Variants in PCDH15 observed in about 807,000 individuals in gnomAD.
PCDH15 encodes protocadherin-15.
A neutral mutation model predicts 178.5 loss-of-function variants in PCDH15; 129 were observed. That is an observed-to-expected ratio of 0.72 (90% confidence interval 0.63 to 0.84). The LOEUF (loss-of-function observed/expected upper bound fraction) is 0.84. Ranked by LOEUF, PCDH15 falls within the 40% of genes least tolerant of loss-of-function variation. The pLI, the probability that PCDH15 is intolerant of heterozygous loss-of-function variation, is 0.00. For synonymous variants in PCDH15, 800 were observed against 732.0 expected, an observed-to-expected ratio of 1.09 and a Z score of -1.50; for missense variants, 2,230 against 2,099.9, an observed-to-expected ratio of 1.06 and a Z score of -1.21.
chr10:55,396,226 T>A (rs1837925700), intron 2 of PCDH15, among the ~76,000 whole-genome samples: 2 of 152,184 alleles, frequency 1.3e-5, no homozygotes, highest in Admixed American at 1.3e-4. Flanking sequence ...TATCATTTAT[T>A]CCAGCACTTT....
At chr10:55,061,121 C>CA (rs531797407) in intron 2 of PCDH15, among the ~76,000 whole-genome samples, 10 of 151,650 alleles carry the variant, frequency 6.6e-5, no homozygotes, top group South Asian at 2.1e-4. Context: ...AAGACAATGG[C>CA]AAAAAAATGA....
chr10:54,047,037 T>C (rs2093670386), intron 18 of PCDH15, among the ~76,000 whole-genome samples: 1 of 152,126 alleles, frequency 6.6e-6, no homozygotes, highest in African/African-American at 2.4e-5. Flanking sequence ...AAGTGCAATT[T>C]GTATAAAGTA....
At chr10:54,992,316 C>A (rs1358587398) in intron 2 of PCDH15, among the ~76,000 whole-genome samples, 1 of 152,124 alleles carries the variant, frequency 6.6e-6, no homozygotes. Flanking sequence ...AACATGAACA[C>A]TTGATCCAAG....
intron 8 of PCDH15, among the ~76,000 whole-genome samples, chr10:54,239,414 A>AAT (rs67769627): frequency 0.026 from 3,656 of 138,112 alleles, 121 homozygotes; most frequent in African/African-American, 0.096. Context: ...CCTGTGATTA[A>AAT]ATATATATAT....
At chr10:54,109,199 T>C (rs2094969824) in intron 15 of PCDH15, among the ~76,000 whole-genome samples, 1 of 152,030 alleles carries the variant, frequency 6.6e-6, no homozygotes, top group Admixed American at 6.5e-5. Flanking sequence ...AAACTATAAA[T>C]AGAAGCATCA....
intron 2 of PCDH15, chr10:54,606,722 T>C (rs1010121924): frequency 2.6e-5 from 4 of 151,628 alleles, no homozygotes; most frequent in African/African-American, 9.7e-5. Context: ...GGCTGAAGGG[T>C]TTTCAGATAT....
intron 1 of PCDH15, among the ~76,000 whole-genome samples, chr10:55,235,673 G>A (rs1363563878): frequency 1.3e-5 from 2 of 151,986 alleles, no homozygotes; most frequent in Non-Finnish European, 2.9e-5. Context: ...TTGGAAGGCC[G>A]AGGTGGGTGG....
chr10:54,105,311 T>C (rs1473127652), intron 15 of PCDH15, among the ~76,000 whole-genome samples: 1,939 of 79,526 alleles, frequency 0.024, 48 homozygotes, highest in African/African-American at 0.1. Context: ...TATATATATA[T>C]ATATATACAC....
At position 54,333,742 on chromosome 10, in the gene PCDH15, T is replaced by C. The variant is rs556639961; in HGVS notation, c.595-4036A>G. ...GATTCCTAGCATCTATTACCCAAAA[T>C]TCCCGAAATTCTTGGGAATCGGCAT... On this transcript the variant is annotated intron_variant, in intron 6 of 37. Transcript: ENST00000644397. Among the ~76,000 whole-genome samples the C allele has an allele frequency of 1.7e-3, 252 of 152,306 alleles. 2 individuals are homozygous for C. Among genetic ancestry groups the C allele is most frequent in the African/African-American group, 5.9e-3 (245 of 41,574 alleles).
intron 3 of PCDH15, among the ~76,000 whole-genome samples, chr10:54,494,090 G>A (rs894329487): frequency 7.0e-6 from 1 of 141,980 alleles, no homozygotes; most frequent in Admixed American, 7.2e-5. Flanking sequence ...TTGTTGTGGG[G>A]TAGGGGGAGG....
intron 3 of PCDH15, among the ~76,000 whole-genome samples, chr10:54,517,403 T>G (rs897230172): frequency 4.0e-5 from 6 of 151,508 alleles, no homozygotes; most frequent in Non-Finnish European, 7.4e-5. Flanking sequence ...ACGGCAGGAG[T>G]TGCAATCCTA....
chr10:54,609,939 AAT>A (rs1175634293), intron 2 of PCDH15, among the ~76,000 whole-genome samples: 3 of 152,018 alleles, frequency 2.0e-5, no homozygotes, highest in Non-Finnish European at 4.4e-5. Context: ...ATGTCATTAA[AAT>A]AGTTTCTCTA....
At chr10:55,461,600 C>A (rs1565162677) in intron 2 of PCDH15, among the ~76,000 whole-genome samples, 1 of 152,016 alleles carries the variant, frequency 6.6e-6, no homozygotes, top group Non-Finnish European at 1.5e-5. Flanking sequence ...TCATAGTTAA[C>A]ATTGATGCAC....
At chr10:54,910,657 T>C (rs1051260932) in intron 2 of PCDH15, among the ~76,000 whole-genome samples, 1 of 152,194 alleles carries the variant, frequency 6.6e-6, no homozygotes, top group Non-Finnish European at 1.5e-5. Flanking sequence ...CAAAATTCTA[T>C]TGATAATACC....
At chr10:55,055,671 C>T (rs564360246) in intron 2 of PCDH15, among the ~76,000 whole-genome samples, 4 of 152,084 alleles carry the variant, frequency 2.6e-5, no homozygotes, top group East Asian at 1.9e-4. Context: ...GGTGCAGTGG[C>T]GAGTGCCTGT....
At chr10:54,746,323 A>C (rs1213695428) in intron 1 of PCDH15, among the ~76,000 whole-genome samples, 1 of 149,428 alleles carries the variant, frequency 6.7e-6, no homozygotes, top group Non-Finnish European at 1.5e-5. Flanking sequence ...AAAAAGAAAG[A>C]GGGGAGGAGA....
In PCDH15 at chr10:55,594,213, G is replaced by A. The variant is rs183954547; in HGVS notation, c.-156+33412C>T. On this transcript the variant is annotated intron_variant, in intron 2 of 5. Coordinates refer to the PCDH15 transcript ENST00000613346. ...ACCATTCTTTTTACAAGAAATGTGT[G>A]TGTGTGTGTAAATGTCTTAATTGTT... is the stretch of plus-strand genomic sequence containing the variant. 4.2e-3 allele frequency among the ~76,000 whole-genome samples: 642 copies of A among 152,038 alleles called. 6 individuals carry two copies. The highest frequency in any genetic ancestry group is 0.015 in the African/African-American group (607 of 41,546).
chr10:54,217,117 G>A (rs552845334), intron 9 of PCDH15, among the ~76,000 whole-genome samples: 5 of 152,262 alleles, frequency 3.3e-5, no homozygotes, highest in South Asian at 4.1e-4. Context: ...GAGGGAACAC[G>A]TGGAGAGGAT....
chr10:54,563,002 A>C (rs1565605700), intron 2 of PCDH15, among the ~76,000 whole-genome samples: 1 of 152,162 alleles, frequency 6.6e-6, no homozygotes, highest in African/African-American at 2.4e-5. Flanking sequence ...TTAAATGTTT[A>C]TTTACTCATG....
Sources: allele counts gnomAD v4.1 joint callset (sites outside exome capture counted in the v4.1 genomes callset), GRCh38; gene constraint gnomAD v4.1.1; transcripts MANE v1.5; gene names NCBI Gene and HGNC (gene_info 2026-07-23, HGNC 2026-07-21).